The following GSG1L variants were observed in gnomAD, a reference collection of about 807,000 sequenced individuals.
GSG1L encodes GSG1 like, also known as germ cell-specific gene 1-like protein.
GSG1L carries 24 observed loss-of-function variants against 42.1 expected under a neutral mutation model. That is an observed-to-expected ratio of 0.57 (90% CI 0.41 to 0.80). The LOEUF (loss-of-function observed/expected upper bound fraction) is 0.80, where lower values mean the gene tolerates loss of function less well. Ranked by LOEUF, GSG1L falls within the 30% of genes least tolerant of loss-of-function variation. The pLI is 0.00. For missense variants in GSG1L, 445 were observed against 472.2 expected (o/e 0.94, Z 0.53); for synonymous variants, 215 against 203.5 (o/e 1.06, Z -0.48).
intron 1 of GSG1L, among the ~76,000 whole-genome samples, chr16:28,061,022 G>C (rs2141204735): frequency 6.6e-6 from 1 of 152,278 alleles, no homozygotes; most frequent in Middle Eastern, 3.4e-3. Context: ...CTTGGACCAG[G>C]ACACTCCACA....
Position 28,063,236 on chromosome 16 carries a change from G to A in GSG1L, c.189C>T (p.Gly63=). 1 of 1,272,634 alleles carries A rather than the reference G, an allele frequency of 7.9e-7. No homozygotes were observed. The highest frequency in any genetic ancestry group is 9.9e-7 in the Non-Finnish European group (1 of 1,011,424). The allele number at this position is 1,272,634 out of a possible 1,614,324, so 78.8% of individuals were successfully genotyped here. A position where few individuals can be genotyped will look rare whatever the true frequency, so the allele number is the denominator to read the frequency against. ...CGGCGGCGGCGGCGGGGGCGGCGGT[G>A]CCGTTGGCCGTGGCGTTGGCGCCCG... ...PNSGANATAN[G]TAAPAAAAAA... is the part of the protein sequence containing the mutation. The change falls in exon 1 of 7, where the codon GGC becomes GGT. Residue 63 remains glycine (G), a synonymous_variant. Transcript: ENST00000447459. The surrounding 1 kb of genome is among the most constrained non-coding windows in gnomAD (Gnocchi z 5.8).
chr16:27,863,922 A>C (rs2083684966), intron 3 of GSG1L, among the ~76,000 whole-genome samples: 1 of 152,198 alleles, frequency 6.6e-6, no homozygotes, highest in Non-Finnish European at 1.5e-5. Context: ...TGGAGGAAAT[A>C]AATTAACTCA....
rs970311319 is a variant in GSG1L at position 27,788,609 on chromosome 16, C to T, written c.*2761G>A. 2 of 152,202 alleles carry T rather than the reference C, an allele frequency of 1.3e-5. No individual in the cohort carries two copies. Among genetic ancestry groups the T allele is most frequent in the African/African-American group, 4.8e-5 (2 of 41,438 alleles). The allele number at this position is 152,202 out of a possible 1,614,324, so 9.4% of individuals were successfully genotyped here. ...CTTTCTTTCCCTGCTATACTCTTGC[C>T]TGGCTGATGCCCAGACAATCTTCAT... On this transcript the variant is annotated 3_prime_UTR_variant, in exon 7 of 7. Transcript: ENST00000447459.
intron 2 of GSG1L, among the ~76,000 whole-genome samples, chr16:27,917,325 G>A (rs1019405794): frequency 4.0e-5 from 6 of 151,766 alleles, no homozygotes; most frequent in Non-Finnish European, 4.4e-5. Flanking sequence ...AGTGAGCTGG[G>A]CGTGAGGACT....
intron 5 of GSG1L, among the ~76,000 whole-genome samples, chr16:27,812,225 C>T (rs1484597821): frequency 6.6e-6 from 1 of 152,124 alleles, no homozygotes; most frequent in South Asian, 2.1e-4. Flanking sequence ...ACCACAGGGA[C>T]CACCCAGAAA....
At chr16:28,054,621 T>A (rs2086259773) in intron 1 of GSG1L, among the ~76,000 whole-genome samples, 1 of 151,756 alleles carries the variant, frequency 6.6e-6, no homozygotes, top group Non-Finnish European at 1.5e-5. Context: ...ACATTGAGAC[T>A]CCATCTCAAA....
chr16:27,954,427 A>G (rs2084984199), intron 2 of GSG1L, among the ~76,000 whole-genome samples: 1 of 152,150 alleles, frequency 6.6e-6, no homozygotes, highest in African/African-American at 2.4e-5. Flanking sequence ...CTTCAAATAG[A>G]GGAACCAGGC....
intron 2 of GSG1L, among the ~76,000 whole-genome samples, chr16:27,917,070 T>A (rs1224182993): frequency 6.6e-6 from 1 of 152,174 alleles, no homozygotes; most frequent in African/African-American, 2.4e-5. Context: ...TCGTGCTTTT[T>A]TTCTGTAATC....
At chr16:27,818,095 G>A (rs2083116184) in intron 5 of GSG1L, among the ~76,000 whole-genome samples, 1 of 152,172 alleles carries the variant, frequency 6.6e-6, no homozygotes, top group Non-Finnish European at 1.5e-5. Context: ...AGCGCTGCTG[G>A]GTCCAGGCTT....
intron 3 of GSG1L, among the ~76,000 whole-genome samples, chr16:27,852,272 G>A (rs1424384504): frequency 6.6e-6 from 1 of 152,202 alleles, no homozygotes; most frequent in Admixed American, 6.5e-5. Context: ...AGATGGGGCA[G>A]GAGGGCTGCA....
At chr16:27,989,736 T>C (rs1276271916) in intron 1 of GSG1L, among the ~76,000 whole-genome samples, 1 of 114,328 alleles carries the variant, frequency 8.7e-6, no homozygotes, top group Non-Finnish European at 2.1e-5. Context: ...TGAGACTCAG[T>C]CTAAAAAAAA....
chr16:27,875,847 T>C (rs1257935828), intron 3 of GSG1L, among the ~76,000 whole-genome samples: 1 of 152,190 alleles, frequency 6.6e-6, no homozygotes, highest in African/African-American at 2.4e-5. Flanking sequence ...GAGCCTGGGC[T>C]ACTTGTAGCC....
In GSG1L at chr16:27,788,889, G is replaced by A. The variant is rs1375684297; in HGVS notation, c.*2481C>T. 1.3e-5 allele frequency: 2 copies of A among 152,272 alleles called. No homozygotes were observed. The highest frequency in any genetic ancestry group is 6.5e-5 in the Admixed American group (1 of 15,278). The allele number at this position is 152,272 out of a possible 1,614,324, so 9.4% of individuals were successfully genotyped here. On this transcript the variant is annotated 3_prime_UTR_variant, in exon 7 of 7. Transcript: ENST00000447459. ...TCAAGTAACTCGCCCAAGGTCACAA[G>A]TGGAGAAGGTGGAATCTGAACCCAG...
chr16:27,976,328 T>G (rs2141119962), intron 1 of GSG1L, among the ~76,000 whole-genome samples: 1 of 152,296 alleles, frequency 6.6e-6, no homozygotes, highest in East Asian at 1.9e-4. Flanking sequence ...GGAGGCCACA[T>G]GTTTTCAGCA....
chr16:27,952,627 C>G (rs761984880), intron 2 of GSG1L, among the ~76,000 whole-genome samples: 1 of 152,152 alleles, frequency 6.6e-6, no homozygotes, highest in African/African-American at 2.4e-5. Flanking sequence ...AGAACTAGAC[C>G]GTGCTGGGCC....
At chr16:27,804,469 T>C (rs1484203825) in intron 6 of GSG1L, among the ~76,000 whole-genome samples, 7 of 151,854 alleles carry the variant, frequency 4.6e-5, no homozygotes, top group Admixed American at 4.6e-4. Context: ...TCTTCCTCCC[T>C]TGTTTGTTTT....
chr16:27,827,059 T>C (rs1004515176), intron 5 of GSG1L, among the ~76,000 whole-genome samples: 1 of 152,188 alleles, frequency 6.6e-6, no homozygotes, highest in African/African-American at 2.4e-5. Context: ...CTTACATAAG[T>C]GTCTTAACTT....
At chr16:27,932,757 G>A (rs2084670836) in intron 2 of GSG1L, among the ~76,000 whole-genome samples, 1 of 152,146 alleles carries the variant, frequency 6.6e-6, no homozygotes, top group Non-Finnish European at 1.5e-5. Flanking sequence ...CATAGGGGCA[G>A]AGGTGACCAT....
intron 2 of GSG1L, among the ~76,000 whole-genome samples, chr16:27,912,730 C>T (rs967441651): frequency 3.3e-5 from 5 of 152,130 alleles, no homozygotes; most frequent in Non-Finnish European, 7.3e-5. Context: ...TTGTGTCCTA[C>T]GACCCAGCAA....
Sources: allele counts gnomAD v4.1 joint callset (sites outside exome capture counted in the v4.1 genomes callset), GRCh38; gene constraint gnomAD v4.1.1; non-coding constraint Gnocchi (gnomAD v3.1); transcripts MANE v1.5; gene names NCBI Gene and HGNC (gene_info 2026-07-23, HGNC 2026-07-21).